The following SLC67A1 variants were observed in gnomAD, a reference collection of about 807,000 sequenced individuals.
SLC67A1 encodes the protein solute carrier family 67 member 1.
the SLC67A1 span, chr11:2,922,648 G>A: frequency 1.8e-6 from 1 of 553,902 alleles, no homozygotes; most frequent in South Asian, 2.2e-5. Context: ...GTCTGTGTGG[G>A]GTGGGTAGGG....
At chr11:2,901,516 G>C in the SLC67A1 span, among the ~76,000 whole-genome samples, 7 of 152,250 alleles carry the variant, frequency 4.6e-5, no homozygotes, top group African/African-American at 1.7e-4. Flanking sequence ...TCCCTACTTA[G>C]TGACAGTCAG....
At chr11:2,911,258 C>T in the SLC67A1 span, among the ~76,000 whole-genome samples, 1 of 152,096 alleles carries the variant, frequency 6.6e-6, no homozygotes, top group South Asian at 2.1e-4. Context: ...GAGGTGGGTC[C>T]AGGAGGCTAT....
the SLC67A1 span, chr11:2,903,552 T>C: frequency 1.3e-6 from 2 of 1,577,598 alleles, no homozygotes; most frequent in South Asian, 2.2e-5. Flanking sequence ...CCTCCTGCCC[T>C]CCATCTGGGC....
At chr11:2,904,785 A>G in the SLC67A1 span, among the ~76,000 whole-genome samples, 2 of 152,168 alleles carry the variant, frequency 1.3e-5, no homozygotes, top group Admixed American at 6.5e-5. Flanking sequence ...CCTCATAGAG[A>G]AGGCAACCTT....
the SLC67A1 span, chr11:2,902,564 C>G: frequency 1.0e-6 from 1 of 985,418 alleles, no homozygotes; most frequent in Non-Finnish European, 1.2e-6. Flanking sequence ...CGCCCTACCC[C>G]ACCAGCCTGG....
At chr11:2,909,185 T>C in the SLC67A1 span, 1 of 1,500,582 alleles carries the variant, frequency 6.7e-7, no homozygotes, top group East Asian at 2.6e-5. Flanking sequence ...GACCCGCCCC[T>C]CGGCCCCCAG....
the SLC67A1 span, chr11:2,903,208 T>C: frequency 2.0e-6 from 3 of 1,504,028 alleles, no homozygotes; most frequent in African/African-American, 2.8e-5. Context: ...CTGTCCTCTC[T>C]TGCAGGCAAG....
the SLC67A1 span, chr11:2,909,454 C>G: frequency 1.5e-5 from 20 of 1,331,378 alleles, no homozygotes; most frequent in Admixed American, 4.1e-4. Flanking sequence ...CGCGCGGGGT[C>G]TGGCCCTAAG....
At chr11:2,909,349 G>C in the SLC67A1 span, 11 of 1,451,746 alleles carry the variant, frequency 7.6e-6, no homozygotes, top group Non-Finnish European at 8.1e-6. Flanking sequence ...TCATGCACAC[G>C]CTGCCAGGTA....
the SLC67A1 span, chr11:2,922,450 C>A: frequency 6.2e-7 from 1 of 1,611,456 alleles, no homozygotes; most frequent in Non-Finnish European, 8.5e-7. Flanking sequence ...GGATGTCCAG[C>A]GTCTTCCACT....
the SLC67A1 span, chr11:2,909,479 G>A: frequency 2.9e-5 from 41 of 1,433,798 alleles, no homozygotes; most frequent in Non-Finnish European, 3.7e-5. Flanking sequence ...GGACGGGGGT[G>A]GGGGGCGACG....
At chr11:2,907,927 A>G in the SLC67A1 span, among the ~76,000 whole-genome samples, 1 of 152,178 alleles carries the variant, frequency 6.6e-6, no homozygotes, top group Non-Finnish European at 1.5e-5. This position sits in a 1 kb window ranked among gnomAD's most constrained non-coding sequence, Gnocchi z 6.7. Flanking sequence ...TTTTGAATGA[A>G]TGAAGACAAA....
the SLC67A1 span, among the ~76,000 whole-genome samples, chr11:2,917,800 G>C: frequency 6.6e-6 from 1 of 152,244 alleles, no homozygotes; most frequent in Non-Finnish European, 1.5e-5. Flanking sequence ...CTGAGGGGCG[G>C]TGCCCAACCT....
the SLC67A1 span, among the ~76,000 whole-genome samples, chr11:2,906,934 G>A: frequency 2.0e-5 from 3 of 152,232 alleles, no homozygotes; most frequent in African/African-American, 7.2e-5. Context: ...CGGCGCTGGG[G>A]AGGGGAGGGA....
chr11:2,903,266 G>A, the SLC67A1 span: 3 of 1,564,874 alleles, frequency 1.9e-6, no homozygotes, highest in East Asian at 4.5e-5. Flanking sequence ...CCCCTGCCCG[G>A]ATCAACTGGA....
At chr11:2,903,726 C>T in the SLC67A1 span, 1 of 572,792 alleles carries the variant, frequency 1.7e-6, no homozygotes. Flanking sequence ...CCATGGGGAG[C>T]CACCCCACTT....
the SLC67A1 span, among the ~76,000 whole-genome samples, chr11:2,923,974 G>C: frequency 6.6e-6 from 1 of 152,188 alleles, no homozygotes; most frequent in East Asian, 1.9e-4. The surrounding 1 kb of genome is among the most constrained non-coding windows in gnomAD (Gnocchi z 6.5). Context: ...CATCACAGCT[G>C]ACCAGCCCTG....
At chr11:2,906,583 G>C in the SLC67A1 span, among the ~76,000 whole-genome samples, 4 of 152,246 alleles carry the variant, frequency 2.6e-5, no homozygotes, top group South Asian at 8.3e-4. Flanking sequence ...GATGAAGCTG[G>C]AAACCATCAT....
the SLC67A1 span, chr11:2,916,496 C>A: frequency 1.4e-6 from 1 of 706,720 alleles, no homozygotes; most frequent in Non-Finnish European, 2.5e-6. Flanking sequence ...AGGCCACAGA[C>A]TGTGGGGATG....
Sources: allele counts gnomAD v4.1 joint callset (sites outside exome capture counted in the v4.1 genomes callset), GRCh38; gene constraint gnomAD v4.1.1; non-coding constraint Gnocchi (gnomAD v3.1); transcripts MANE v1.5; gene names NCBI Gene and HGNC (gene_info 2026-07-23, HGNC 2026-07-21).